GLRA2: variants seen among roughly 807,000 people sequenced by gnomAD.
The protein encoded by GLRA2 is glycine receptor subunit alpha-2.
A neutral mutation model predicts 31.6 loss-of-function variants in GLRA2; 11 were observed. The ratio of observed to expected loss-of-function variants is 0.35; its 90% CI spans 0.22 to 0.58. The LOEUF (loss-of-function observed/expected upper bound fraction) is 0.58. Among genes scored for constraint, GLRA2 ranks in the 20% least tolerant of loss-of-function variants. The pLI is 0.84. For missense variants in GLRA2, 212 were observed against 351.8 expected (o/e 0.60, Z 3.18); for synonymous variants, 132 against 134.0 (o/e 0.99, Z 0.10).
intron 8 of GLRA2, among the ~76,000 whole-genome samples, chrX:14,691,879 G>C (rs1268488814): frequency 1.8e-5 from 2 of 112,277 alleles, no homozygotes; most frequent in Admixed American, 1.9e-4. Flanking sequence ...GAGAGAGAAA[G>C]ATTTTTCAAA....
intron 7 of GLRA2, among the ~76,000 whole-genome samples, chrX:14,655,846 G>A (rs190308183): frequency 8.9e-6 from 1 of 111,810 alleles, no homozygotes; most frequent in Admixed American, 9.5e-5. Context: ...TCCCTATTAA[G>A]TATGGGGTCT....
Position 14,730,461 on chromosome X carries a change from G to T in GLRA2, c.1335G>T (p.Arg445=). 1 of 1,206,131 alleles carries T rather than the reference G, an allele frequency of 8.3e-7. No homozygotes were observed. The highest frequency in any genetic ancestry group is 1.7e-5 in the African/African-American group (1 of 57,327). The change falls in exon 9 of 9, where the codon CGG becomes CGT. Residue 445 remains arginine, a synonymous_variant. Coordinates refer to ENST00000218075, the MANE Select transcript of GLRA2 (RefSeq NM_002063.4). The stretch of plus-strand genomic sequence containing the variant: ...ACTGGATCACATACAAGATCATTCG[G>T]CATGAAGATGTCCACAAGAAATAGA... ...IFYWITYKII[R]HEDVHKK
chrX:14,511,684 TATA>T, the GLRA2 span, among the ~76,000 whole-genome samples: 1 of 112,232 alleles, frequency 8.9e-6, no homozygotes, highest in Non-Finnish European at 1.9e-5. Flanking sequence ...GAAAACAAAT[TATA>T]ATCATCTCTT....
chrX:14,604,300 T>G lies in GLRA2; in HGVS notation c.495-15T>G. ...GATTTAAAAATGGTTTTTAATTTTT[T>G]TTTTGTTTGCTAAGACTCACCTTGA... On this transcript the variant is annotated splice_polypyrimidine_tract_variant and intron_variant, in intron 4 of 8. Transcript: ENST00000218075. 1.5e-5 allele frequency: 16 copies of G among 1,091,027 alleles called. No homozygotes were observed. Among genetic ancestry groups the G allele is most frequent in the Non-Finnish European group, 1.9e-5 (15 of 793,928 alleles). The allele number at this position is 1,091,027 out of a possible 1,213,427, so 89.9% of individuals were successfully genotyped here.
At chrX:14,509,018 C>T in the GLRA2 span, among the ~76,000 whole-genome samples, 1 of 111,760 alleles carries the variant, frequency 8.9e-6, no homozygotes, top group Non-Finnish European at 1.9e-5. Context: ...TGTTACCCCT[C>T]ACTTCTCTCA....
Position 14,581,229 on chromosome X carries a change from G to C in GLRA2, c.317G>C (p.Arg106Pro). The change falls in exon 4 of 9, where the codon CGG becomes CCG. Residue 106 changes from arginine to proline, a missense_variant. Around this residue, in one of 5 missense-constraint regions of GLRA2, gnomAD observed 110 missense variants for 232.6 expected, o/e 0.47. Transcript: ENST00000218075. ...IFLRQQWNDS[R>P]LAYSEYPDDS... is the part of the protein sequence containing the mutation. ...CTGAGACAACAGTGGAATGATTCAC[G>C]GCTGGCGTACAGTGAGTACCCAGAT... The C allele has an allele frequency of 8.4e-7, 1 of 1,195,792 alleles. No individual in the cohort carries two copies. Among genetic ancestry groups the C allele is most frequent in the Non-Finnish European group, 1.1e-6 (1 of 881,128 alleles).
chrX:14,582,192 A>C (rs2090026820), intron 4 of GLRA2, among the ~76,000 whole-genome samples: 1 of 90,332 alleles, frequency 1.1e-5, no homozygotes, highest in Admixed American at 1.1e-4. Context: ...AGTATTAGGT[A>C]TATCTCCCAA....
At chrX:14,452,714 G>A in the GLRA2 span, among the ~76,000 whole-genome samples, 1 of 111,749 alleles carries the variant, frequency 8.9e-6, no homozygotes, top group Non-Finnish European at 1.9e-5. Context: ...ATTAGTGTTC[G>A]GACATATACC....
At chrX:14,636,281 T>C (rs2090709525) in intron 7 of GLRA2, among the ~76,000 whole-genome samples, 1 of 111,557 alleles carries the variant, frequency 9.0e-6, no homozygotes. Context: ...GGGTACAGTA[T>C]GGAAAGTAGA....
the GLRA2 span, among the ~76,000 whole-genome samples, chrX:14,461,099 C>A: frequency 8.9e-6 from 1 of 112,002 alleles, no homozygotes; most frequent in Non-Finnish European, 1.9e-5. Flanking sequence ...TTTATTTCTG[C>A]CTTCATTTCA....
upstream of GLRA2, among the ~76,000 whole-genome samples, chrX:14,527,744 C>CA (rs1361910010): frequency 8.9e-6 from 1 of 111,748 alleles, no homozygotes; most frequent in African/African-American, 3.3e-5. Context: ...ATCTTGAACA[C>CA]AAAAAAATCT....
intron 7 of GLRA2, among the ~76,000 whole-genome samples, chrX:14,685,445 C>G (rs1253355965): frequency 1.8e-5 from 2 of 111,358 alleles, no homozygotes; most frequent in Non-Finnish European, 3.8e-5. Context: ...CCATCTGGTC[C>G]TGGACTTTTT....
intron 7 of GLRA2, among the ~76,000 whole-genome samples, chrX:14,674,227 TG>T (rs1601819858): frequency 8.9e-6 from 1 of 112,191 alleles, no homozygotes; most frequent in African/African-American, 3.2e-5. Flanking sequence ...GTTTTCTTTT[TG>T]TAACAGCATA....
the GLRA2 span, among the ~76,000 whole-genome samples, chrX:14,455,489 C>A: frequency 9.0e-6 from 1 of 111,530 alleles, no homozygotes; most frequent in African/African-American, 3.3e-5. Flanking sequence ...GGCTAAAAAT[C>A]AACTTATCTC....
chrX:14,499,024 T>C, the GLRA2 span, among the ~76,000 whole-genome samples: 2 of 112,439 alleles, frequency 1.8e-5, no homozygotes, highest in Non-Finnish European at 3.8e-5. Flanking sequence ...AATAGGTACT[T>C]AGATAAATTC....
intron 7 of GLRA2, among the ~76,000 whole-genome samples, chrX:14,689,701 A>C (rs1286747598): frequency 8.9e-6 from 1 of 112,217 alleles, no homozygotes; most frequent in Non-Finnish European, 1.9e-5. Flanking sequence ...CAGCTATCAA[A>C]ATATAGGAAA....
chrX:14,616,005 A>G (rs758755654), intron 7 of GLRA2, among the ~76,000 whole-genome samples: 3 of 110,757 alleles, frequency 2.7e-5, no homozygotes, highest in Non-Finnish European at 5.7e-5. Flanking sequence ...ATCTCTGCCA[A>G]CCCCCAAGAA....
intron 2 of GLRA2, among the ~76,000 whole-genome samples, chrX:14,571,247 T>A (rs1021006877): frequency 8.9e-6 from 1 of 112,172 alleles, no homozygotes. Flanking sequence ...AATATTTCCT[T>A]CTGTAGTTTA....
In GLRA2 at chrX:14,598,677, G is replaced by C. The variant is rs985065872; in HGVS notation, c.495-5638G>C. Among the ~76,000 whole-genome samples, 3 of 111,259 alleles carry C rather than the reference G, an allele frequency of 2.7e-5. No individual in the cohort carries two copies. The Admixed American group carries it at 2.9e-4, about 11-fold the overall frequency. On this transcript the variant is annotated intron_variant, in intron 4 of 8. Coordinates refer to ENST00000218075, the MANE Select transcript of GLRA2 (RefSeq NM_002063.4). The stretch of plus-strand genomic sequence containing the variant: ...CCTGTGGACTCTGATGACTGGCCTC[G>C]TCCCTTCTAAATCCTTTAACCTTTC...
Sources: allele counts gnomAD v4.1 joint callset (sites outside exome capture counted in the v4.1 genomes callset), GRCh38; gene constraint gnomAD v4.1.1; regional missense constraint gnomAD v4.1.1; transcripts MANE v1.5; gene names NCBI Gene and HGNC (gene_info 2026-07-23, HGNC 2026-07-21).